BACE2: variants seen among roughly 807,000 people sequenced by gnomAD.
BACE2 encodes the protein 56 kDa aspartic-like protease.
In BACE2, 17 loss-of-function variants were observed where a neutral mutation model predicts 46.2. That is an observed-to-expected ratio of 0.37 (90% CI 0.25 to 0.55). The LOEUF is 0.55. BACE2 is among the 20% of genes least tolerant of loss of function. The pLI, the probability that BACE2 is intolerant of heterozygous loss-of-function variation, is 0.82. For synonymous variants in BACE2, 277 were observed against 295.9 expected, an observed-to-expected ratio of 0.94 and a Z score of 0.66; for missense variants, 595 against 698.1, an observed-to-expected ratio of 0.85 and a Z score of 1.66.
At position 41,281,424 on chromosome 21, in the gene BACE2, T is replaced by G. The variant is rs550836694; in HGVS notation, c.*5800T>G. 6.6e-6 allele frequency: 1 copy of G among 152,330 alleles called. No homozygotes were observed. Among genetic ancestry groups the G allele is most frequent in the South Asian group, 2.1e-4 (1 of 4,828 alleles). 9.4% of individuals were successfully genotyped at this position (152,330 alleles called of 1,614,324 possible). A position where few individuals can be genotyped will look rare whatever the true frequency, so the allele number is the denominator to read the frequency against. On this transcript the variant is annotated 3_prime_UTR_variant, in exon 9 of 9. Transcript: ENST00000330333. ...TTCCATAGGATTTTCTTCATTTGGGTTGGAATAAAAATGCATTTTTATTCA... is the reference window on the plus strand; with the variant it reads ...TTCCATAGGATTTTCTTCATTTGGGGTGGAATAAAAATGCATTTTTATTCA...
intron 2 of BACE2, among the ~76,000 whole-genome samples, chr21:41,232,112 T>C (rs1986981667): frequency 6.6e-6 from 1 of 152,064 alleles, no homozygotes; most frequent in Admixed American, 6.5e-5. Context: ...AAATGAATGT[T>C]AAATAGAAGT....
chr21:41,192,795 C>T (rs1020331142), intron 1 of BACE2, among the ~76,000 whole-genome samples: 1 of 152,226 alleles, frequency 6.6e-6, no homozygotes, highest in Non-Finnish European at 1.5e-5. Context: ...TCGGCTCACT[C>T]GATAAATGGG....
intron 2 of BACE2, among the ~76,000 whole-genome samples, chr21:41,235,582 A>G (rs899492944): frequency 1.3e-5 from 2 of 152,264 alleles, no homozygotes; most frequent in Admixed American, 6.5e-5. Flanking sequence ...CATGCCTGTA[A>G]TCCCAGCATT....
At chr21:41,173,120 G>A (rs1264386459) in intron 1 of BACE2, among the ~76,000 whole-genome samples, 2 of 152,202 alleles carry the variant, frequency 1.3e-5, no homozygotes, top group African/African-American at 4.8e-5. Context: ...ATAAGGTTAA[G>A]TTCACAGGTA....
intron 1 of BACE2, among the ~76,000 whole-genome samples, chr21:41,218,903 A>G (rs1247636427): frequency 2.0e-5 from 3 of 147,418 alleles, no homozygotes; most frequent in African/African-American, 7.7e-5. Flanking sequence ...TCGCTCTGTC[A>G]CCAGGCTGGA....
chr21:41,174,489 G>A (rs2123485318), intron 1 of BACE2, among the ~76,000 whole-genome samples: 1 of 152,204 alleles, frequency 6.6e-6, no homozygotes, highest in East Asian at 1.9e-4. Context: ...GCTCCCAGGG[G>A]TGGAGAGGGA....
intron 2 of BACE2, among the ~76,000 whole-genome samples, chr21:41,232,125 G>A (rs1038067402): frequency 1.3e-5 from 2 of 151,690 alleles, no homozygotes; most frequent in African/African-American, 2.4e-5. Flanking sequence ...ATAGAAGTTC[G>A]GTCTTTCAGT....
chr21:41,264,062 T>C (rs2123639753), intron 8 of BACE2, among the ~76,000 whole-genome samples: 1 of 152,350 alleles, frequency 6.6e-6, no homozygotes, highest in Middle Eastern at 3.4e-3. Context: ...GCATTCTGTG[T>C]AATTTCTTCA....
intron 1 of BACE2, among the ~76,000 whole-genome samples, chr21:41,222,496 G>A (rs1986688966): frequency 6.6e-6 from 1 of 152,252 alleles, no homozygotes; most frequent in Non-Finnish European, 1.5e-5. Flanking sequence ...TGCCCCTGGG[G>A]GATGTCTGGG....
intron 2 of BACE2, among the ~76,000 whole-genome samples, chr21:41,226,873 G>C (rs1446681772): frequency 6.6e-6 from 1 of 152,240 alleles, no homozygotes; most frequent in African/African-American, 2.4e-5. Context: ...TCATTTGGAA[G>C]AGTGAGTTTT....
At chr21:41,265,498 T>C (rs1008148132) in intron 8 of BACE2, among the ~76,000 whole-genome samples, 5 of 152,194 alleles carry the variant, frequency 3.3e-5, no homozygotes, top group African/African-American at 4.8e-5. Flanking sequence ...ATTTTGGTCA[T>C]CTGACAGGTG....
intron 8 of BACE2, among the ~76,000 whole-genome samples, chr21:41,257,776 CCT>C (rs1987830749): frequency 6.6e-6 from 1 of 152,136 alleles, no homozygotes; most frequent in African/African-American, 2.4e-5. Flanking sequence ...CCAAGGAGCC[CCT>C]GTTTCTCGTG....
chr21:41,237,614 G>C lies in BACE2; in HGVS notation c.503G>C (p.Gly168Ala), dbSNP rs369727104. ...GAAGACCTCGTCACCATCCCCAAAG[G>C]CTTCAATACTTCTTTTCTTGTCAAC... ...VGEDLVTIPK[G>A]FNTSFLVNIA... The change falls in exon 3 of 9, where the codon GGC becomes GCC. Residue 168 changes from glycine to alanine, a missense_variant. Around this residue, in one of 3 missense-constraint regions of BACE2, gnomAD observed 248 missense variants for 261.4 expected, o/e 0.95. Transcript: ENST00000330333. 21 of 1,614,010 alleles carry C rather than the reference G, an allele frequency of 1.3e-5. No individual in the cohort carries two copies. The highest frequency in any genetic ancestry group is 1.7e-5 in the Admixed American group (1 of 59,996).
At chr21:41,225,979 G>A (rs922597654) in intron 1 of BACE2, among the ~76,000 whole-genome samples, 4 of 152,282 alleles carry the variant, frequency 2.6e-5, no homozygotes, top group Admixed American at 6.5e-5. Flanking sequence ...AAGCACCAAC[G>A]GCCTAAAAAG....
chr21:41,174,742 G>A (rs1984746247), intron 1 of BACE2, among the ~76,000 whole-genome samples: 1 of 152,254 alleles, frequency 6.6e-6, no homozygotes, highest in Middle Eastern at 3.4e-3. Context: ...CTCTCCAGGT[G>A]ACCTGAGGCT....
At chr21:41,222,187 A>G (rs1161201172) in intron 1 of BACE2, among the ~76,000 whole-genome samples, 1 of 152,174 alleles carries the variant, frequency 6.6e-6, no homozygotes, top group Non-Finnish European at 1.5e-5. Context: ...TATGAGGTTG[A>G]AATAAGCTAA....
chr21:41,217,793 G>C (rs956486146), intron 1 of BACE2, among the ~76,000 whole-genome samples: 1 of 152,250 alleles, frequency 6.6e-6, no homozygotes, highest in Non-Finnish European at 1.5e-5. Flanking sequence ...CCTGGAGGCC[G>C]GCAAGCCTTG....
Position 41,237,496 on chromosome 21 carries a change from T to C in BACE2, c.402-17T>C. The C allele has an allele frequency of 6.5e-7, 1 of 1,548,948 alleles. No individual in the cohort carries two copies. Among genetic ancestry groups the C allele is most frequent in the Non-Finnish European group, 8.8e-7 (1 of 1,136,746 alleles). On this transcript the variant is annotated splice_polypyrimidine_tract_variant and intron_variant, in intron 2 of 8. Transcript: ENST00000330333. ...AAAATAAAATGAATACAATATGCTT[T>C]TCTTTTCTTTCTCCAGGTCTAGCAC...
chr21:41,238,068 T>G (rs1987176576), intron 3 of BACE2, among the ~76,000 whole-genome samples: 1 of 152,266 alleles, frequency 6.6e-6, no homozygotes, highest in Non-Finnish European at 1.5e-5. Context: ...AAAACACATT[T>G]ATTAAATTCA....
Sources: allele counts gnomAD v4.1 joint callset (sites outside exome capture counted in the v4.1 genomes callset), GRCh38; gene constraint gnomAD v4.1.1; regional missense constraint gnomAD v4.1.1; transcripts MANE v1.5; gene names NCBI Gene and HGNC (gene_info 2026-07-23, HGNC 2026-07-21).